WDR72: variants seen among roughly 807,000 people sequenced by gnomAD.
WDR72 encodes the protein WD repeat-containing protein 72.
WDR72 carries 120 observed loss-of-function variants against 124.2 expected under a neutral mutation model. The observed-to-expected ratio is 0.97, with a 90% CI of 0.83 to 1.12. The LOEUF (loss-of-function observed/expected upper bound fraction) is 1.12. Ranked by LOEUF, WDR72 falls within the 50% of genes most tolerant of loss-of-function variation. WDR72 has a pLI of 0.00. For missense variants in WDR72, 1,387 were observed against 1,278.8 expected, an observed-to-expected ratio of 1.08 and a Z score of -1.29; for synonymous variants, 452 against 441.7, an observed-to-expected ratio of 1.02 and a Z score of -0.29.
chr15:53,741,856 T>G (rs529731761), intron 1 of WDR72, among the ~76,000 whole-genome samples: 5 of 152,074 alleles, frequency 3.3e-5, no homozygotes, highest in Non-Finnish European at 7.4e-5. Context: ...GCCTCCCGAG[T>G]AGCTGGGACT....
chr15:53,650,089 A>C lies in WDR72; in HGVS notation c.1962+15483T>G, dbSNP rs190422117. 2.0e-4 allele frequency among the ~76,000 whole-genome samples: 28 copies of C among 141,858 alleles called. No individual in the cohort carries two copies. In the South Asian group the frequency reaches 2.4e-3, roughly 12 times the overall value. 93.1% of individuals were successfully genotyped at this position (141,858 alleles called of 152,430 possible). A position where few individuals can be genotyped will look rare whatever the true frequency, so the allele number is the denominator to read the frequency against. On this transcript the variant is annotated intron_variant, in intron 14 of 19. Coordinates refer to ENST00000360509, the MANE Select transcript of WDR72 (RefSeq NM_182758.4). ...TAGAGAAATTTTGATATATACATAC[A>C]ATGGAATAACATTTAGCCTTTCAAG...
chr15:53,684,844 C>T (rs1473309044), intron 13 of WDR72, among the ~76,000 whole-genome samples: 1 of 152,192 alleles, frequency 6.6e-6, no homozygotes, highest in African/African-American at 2.4e-5. Flanking sequence ...GTGATTCTCC[C>T]AGTACGCAGC....
At chr15:53,645,921 T>C (rs62005955) in intron 14 of WDR72, among the ~76,000 whole-genome samples, 32,420 of 152,100 alleles carry the variant, frequency 0.21, 3,885 homozygotes, top group East Asian at 0.46. Context: ...CAAACCAGGC[T>C]ACTTTTTAGA....
chr15:53,675,761 C>G (rs778709012), intron 13 of WDR72, among the ~76,000 whole-genome samples: 6 of 152,038 alleles, frequency 3.9e-5, no homozygotes, highest in Non-Finnish European at 7.4e-5. Context: ...CTGAGTTGAT[C>G]TGGAATTTTT....
At chr15:53,645,810 T>C (rs766009643) in intron 14 of WDR72, among the ~76,000 whole-genome samples, 28 of 152,184 alleles carry the variant, frequency 1.8e-4, no homozygotes, top group Non-Finnish European at 3.4e-4. Context: ...ATGTCATACA[T>C]GGTTATTTGA....
In WDR72 at chr15:53,657,457, AC is replaced by A. The variant is rs560451195; in HGVS notation, c.1962+8114del. On this transcript the variant is annotated intron_variant, in intron 14 of 19. Coordinates refer to ENST00000360509, the MANE Select transcript of WDR72 (RefSeq NM_182758.4). The stretch of plus-strand genomic sequence containing the variant: ...AGATGTGCTTTAATAAATTATGCTA[AC>A]ACAGTCCCTAGATCAAGCTAAACAC... 3.3e-5 allele frequency among the ~76,000 whole-genome samples: 5 copies of A among 152,230 alleles called. No homozygotes were observed. In the South Asian group the frequency reaches 1.0e-3, roughly 32 times the overall value.
chr15:53,602,925 C>T (rs2013109770), intron 17 of WDR72, among the ~76,000 whole-genome samples: 1 of 152,094 alleles, frequency 6.6e-6, no homozygotes, highest in Non-Finnish European at 1.5e-5. Context: ...GAGCTATTAT[C>T]ATTCCACCTG....
intron 14 of WDR72, among the ~76,000 whole-genome samples, chr15:53,644,339 G>A (rs2014965066): frequency 6.6e-6 from 1 of 151,986 alleles, no homozygotes; most frequent in Non-Finnish European, 1.5e-5. Flanking sequence ...GAAAAAAATC[G>A]AGACATTGAA....
chr15:53,714,887 C>T (rs563937290), intron 5 of WDR72, among the ~76,000 whole-genome samples: 80 of 152,248 alleles, frequency 5.3e-4, no homozygotes, highest in Admixed American at 5.2e-3. Flanking sequence ...TTCCAGGAGT[C>T]CTGCTAATCC....
chr15:53,545,850 G>A lies in WDR72; in HGVS notation c.3149-22528C>T, dbSNP rs1242461196. On this transcript the variant is annotated intron_variant, in intron 18 of 19. Transcript: ENST00000360509. ...CAAACAACCCCATCAAAAAGTGGGC[G>A]AAGGACATGAACAGACACTTCTCAA... Among the ~76,000 whole-genome samples, 99 of 126,666 alleles carry A rather than the reference G, an allele frequency of 7.8e-4. 2 individuals carry two copies. The highest frequency in any genetic ancestry group is 2.5e-3 in the East Asian group (12 of 4,772). 83.1% of individuals were successfully genotyped at this position (126,666 alleles called of 152,430 possible).
intron 14 of WDR72, among the ~76,000 whole-genome samples, chr15:53,646,590 A>G (rs1360692411): frequency 6.6e-6 from 1 of 152,150 alleles, no homozygotes; most frequent in Admixed American, 6.6e-5. Flanking sequence ...AACAAACAAG[A>G]GACAAAAGCT....
intron 18 of WDR72, among the ~76,000 whole-genome samples, chr15:53,546,217 A>G (rs979828523): frequency 7.3e-5 from 11 of 150,778 alleles, no homozygotes; most frequent in East Asian, 1.9e-4. Flanking sequence ...ATGCACACGT[A>G]TGTTTATTGC....
At chr15:53,528,002 A>G (rs190717431) in intron 18 of WDR72, among the ~76,000 whole-genome samples, 80 of 152,264 alleles carry the variant, frequency 5.3e-4, no homozygotes, top group Admixed American at 3.6e-3. Context: ...GAAAAGCTAC[A>G]TAAAATTCAG....
In WDR72 at chr15:53,699,950, G is replaced by GA. The variant is rs34118367; in HGVS notation, c.1570-6dup. 1.1e-3 allele frequency: 1,819 copies of GA among 1,613,998 alleles called. 28 individuals carry two copies. In the Admixed American group the frequency reaches 0.023, roughly 21 times the overall value. On this transcript the variant is annotated splice_region_variant and splice_polypyrimidine_tract_variant and intron_variant, in intron 12 of 19. Transcript: ENST00000360509. ...AATTATCTGCTCACCCCTTAGCTGTGAAAAAACAACATGCTTATGTAAGTA... is the reference window on the plus strand; with the variant it reads ...AATTATCTGCTCACCCCTTAGCTGTGAAAAAAACAACATGCTTATGTAAGTA...
intron 1 of WDR72, among the ~76,000 whole-genome samples, chr15:53,745,797 G>C (rs184244775): frequency 7.9e-5 from 12 of 152,236 alleles, no homozygotes; most frequent in Admixed American, 7.8e-4. Context: ...TCCTTCTACA[G>C]ATGAGTAAAT....
chr15:53,547,196 C>A (rs77671505), intron 18 of WDR72, among the ~76,000 whole-genome samples: 1 of 152,194 alleles, frequency 6.6e-6, no homozygotes, highest in African/African-American at 2.4e-5. Flanking sequence ...TTTACCAATG[C>A]AATTAAGCCA....
chr15:53,685,257 T>A (rs2016574838), intron 13 of WDR72, among the ~76,000 whole-genome samples: 1 of 143,754 alleles, frequency 7.0e-6, no homozygotes, highest in African/African-American at 2.6e-5. Context: ...ACGATCAAAT[T>A]ACTCTGAGCT....
At chr15:53,740,468 C>T (rs552674905) in intron 1 of WDR72, among the ~76,000 whole-genome samples, 5 of 152,192 alleles carry the variant, frequency 3.3e-5, no homozygotes, top group Admixed American at 1.3e-4. Flanking sequence ...CCACCGCGCC[C>T]GGCTAATTTT....
intron 18 of WDR72, among the ~76,000 whole-genome samples, chr15:53,527,853 A>G (rs1892213068): frequency 6.6e-6 from 1 of 152,014 alleles, no homozygotes; most frequent in South Asian, 2.1e-4. Flanking sequence ...GAACTCAAAG[A>G]TTTGAATTCA....
Sources: gnomAD v4.1 joint callset for allele counts (sites outside exome capture counted in the v4.1 genomes callset) on GRCh38, gnomAD v4.1.1 for gene constraint, MANE v1.5 for transcripts, NCBI Gene and HGNC (gene_info 2026-07-23, HGNC 2026-07-21) for gene names.